SPIDR: variants seen among roughly 807,000 people sequenced by gnomAD.
SPIDR encodes the protein DNA repair-scaffolding protein.
Under a neutral mutation model 104.6 loss-of-function variants are expected in SPIDR, and 93 were observed. That is an observed-to-expected ratio of 0.89 (90% CI 0.75 to 1.06). The LOEUF is 1.06. Among genes scored for constraint, SPIDR ranks in the 50% least tolerant of loss-of-function variants. SPIDR has a pLI of 0.00. For synonymous variants in SPIDR, 431 were observed against 416.9 expected (o/e 1.03, Z -0.41); for missense variants, 1,154 against 1,111.2 (o/e 1.04, Z -0.55).
intron 8 of SPIDR, among the ~76,000 whole-genome samples, chr8:47,466,136 A>G (rs575047222): frequency 6.6e-6 from 1 of 152,294 alleles, no homozygotes; most frequent in Non-Finnish European, 1.5e-5. Context: ...ATTAACAAAG[A>G]TGTTCAGGAC....
At chr8:47,403,438 T>G (rs1483607237) in intron 6 of SPIDR, among the ~76,000 whole-genome samples, 2 of 152,202 alleles carry the variant, frequency 1.3e-5, no homozygotes, top group Non-Finnish European at 2.9e-5. Context: ...GATGACAGGA[T>G]TGTACATTTA....
intron 11 of SPIDR, among the ~76,000 whole-genome samples, chr8:47,685,306 C>T (rs747793385): frequency 6.6e-6 from 1 of 151,982 alleles, no homozygotes; most frequent in Non-Finnish European, 1.5e-5. Flanking sequence ...AGTAATTTAA[C>T]TAGTTAATTT....
chr8:47,685,024 G>A (rs1452590524), intron 11 of SPIDR, among the ~76,000 whole-genome samples: 1 of 152,188 alleles, frequency 6.6e-6, no homozygotes, highest in African/African-American at 2.4e-5. Flanking sequence ...TTCGAGACCA[G>A]CCTGGCCAAC....
In SPIDR at chr8:47,735,492, G is replaced by GGGTGGT. The variant is rs749539591; in HGVS notation, c.*56_*61dup. 1.2e-5 allele frequency: 19 copies of GGGTGGT among 1,613,610 alleles called. No individual in the cohort carries two copies. The highest frequency in any genetic ancestry group is 6.7e-5 in the East Asian group (3 of 44,792). On this transcript the variant is annotated 3_prime_UTR_variant, in exon 20 of 20. Coordinates refer to ENST00000297423, the MANE Select transcript of SPIDR (RefSeq NM_001080394.4). ...TGTGAACTTTGCAATGTGGCTGCAA[G>GGGTGGT]GGTGGTGGTGGTGGTGGTGATTTGG...
rs200845262 is a variant in SPIDR at position 47,588,209 on chromosome 8, AAT to A, written c.1098-7599_1098-7598del. On this transcript the variant is annotated intron_variant, in intron 8 of 19. Transcript: ENST00000297423. ...ATGATTTTGAGTTTTTCAATCCATA[AAT>A]ATGTCTTCCATTTGTTAAGATCTTT... 6.7e-5 allele frequency among the ~76,000 whole-genome samples: 10 copies of A among 149,728 alleles called. No individual in the cohort carries two copies. In the East Asian group the frequency reaches 1.4e-3, roughly 21 times the overall value.
intron 8 of SPIDR, among the ~76,000 whole-genome samples, chr8:47,589,826 G>T (rs964789474): frequency 6.6e-6 from 1 of 151,792 alleles, no homozygotes; most frequent in African/African-American, 2.4e-5. Context: ...CTATTGCATT[G>T]TTTTTTTCTC....
intron 5 of SPIDR, among the ~76,000 whole-genome samples, chr8:47,311,702 T>C (rs1272158633): frequency 3.3e-5 from 5 of 151,864 alleles, no homozygotes; most frequent in Admixed American, 3.3e-4. Flanking sequence ...TAATGAATGG[T>C]AGCTGACTTC....
At chr8:47,434,843 C>T (rs905782661) in intron 7 of SPIDR, among the ~76,000 whole-genome samples, 12 of 152,164 alleles carry the variant, frequency 7.9e-5, no homozygotes, top group Admixed American at 2.0e-4. Context: ...CTTGAGTTGA[C>T]GTGAGTATAA....
At chr8:47,614,595 T>C (rs1045198827) in intron 10 of SPIDR, among the ~76,000 whole-genome samples, 3 of 152,238 alleles carry the variant, frequency 2.0e-5, no homozygotes, top group Non-Finnish European at 2.9e-5. Flanking sequence ...CAGTCTATCA[T>C]TGGTGGGCAT....
At chr8:47,553,665 T>C (rs1050260952) in intron 8 of SPIDR, among the ~76,000 whole-genome samples, 1 of 152,196 alleles carries the variant, frequency 6.6e-6, no homozygotes, top group African/African-American at 2.4e-5. Context: ...TTCAAGTTTT[T>C]TAGCTTCTTT....
At chr8:47,577,709 A>G (rs1180612815) in intron 8 of SPIDR, among the ~76,000 whole-genome samples, 4 of 152,172 alleles carry the variant, frequency 2.6e-5, no homozygotes, top group Non-Finnish European at 5.9e-5. Flanking sequence ...GGTAGAGGTA[A>G]ATGGTCTTGT....
chr8:47,460,516 T>G (rs1222860187), intron 8 of SPIDR, among the ~76,000 whole-genome samples: 1 of 152,192 alleles, frequency 6.6e-6, no homozygotes, highest in African/African-American at 2.4e-5. Context: ...GCGTGGGCTG[T>G]CTTTTTACAC....
At position 47,675,315 on chromosome 8, in the gene SPIDR, C is replaced by T. The variant is rs541441962; in HGVS notation, c.1685+1374C>T. ...CCTCCCAAAGTGCTGGGATTACAGG[C>T]GTGAGCTACCACGCCCGGCCAGCTA... On this transcript the variant is annotated intron_variant, in intron 11 of 19. Coordinates refer to ENST00000297423, the MANE Select transcript of SPIDR (RefSeq NM_001080394.4). Among the ~76,000 whole-genome samples, 3 of 152,320 alleles carry T rather than the reference C, an allele frequency of 2.0e-5. 1 individual carries two copies. The highest frequency in any genetic ancestry group is 2.1e-4 in the South Asian group (1 of 4,824).
At chr8:47,568,790 T>C (rs1436955215) in intron 8 of SPIDR, among the ~76,000 whole-genome samples, 2 of 152,184 alleles carry the variant, frequency 1.3e-5, no homozygotes, top group African/African-American at 4.8e-5. Context: ...CTCAATGTAC[T>C]CCAAGCAAGA....
chr8:47,397,149 T>A (rs1179074722), intron 6 of SPIDR, among the ~76,000 whole-genome samples: 1 of 151,996 alleles, frequency 6.6e-6, no homozygotes, highest in East Asian at 1.9e-4. Flanking sequence ...CCCCGTGTAA[T>A]ACAAGGTGCT....
chr8:47,493,092 C>T (rs889077003), intron 8 of SPIDR, among the ~76,000 whole-genome samples: 3 of 148,002 alleles, frequency 2.0e-5, no homozygotes, highest in Non-Finnish European at 4.5e-5. Context: ...AATAGAACTT[C>T]GCAGATAGCA....
chr8:47,408,886 T>C (rs946036698), intron 7 of SPIDR, among the ~76,000 whole-genome samples: 1 of 152,076 alleles, frequency 6.6e-6, no homozygotes, highest in Non-Finnish European at 1.5e-5. Flanking sequence ...TACAATAACA[T>C]CAAAAAGAAT....
intron 2 of SPIDR, among the ~76,000 whole-genome samples, chr8:47,282,937 C>T (rs1198104596): frequency 6.6e-6 from 1 of 151,842 alleles, no homozygotes; most frequent in Admixed American, 6.6e-5. Context: ...CTCACTGCAA[C>T]CTCCACCTCC....
intron 8 of SPIDR, among the ~76,000 whole-genome samples, chr8:47,589,323 A>G (rs532812936): frequency 2.3e-4 from 35 of 152,126 alleles, no homozygotes; most frequent in African/African-American, 7.7e-4. Flanking sequence ...GTTTGAGACC[A>G]GCCTGGCTAG....
Sources: allele counts gnomAD v4.1 joint callset (sites outside exome capture counted in the v4.1 genomes callset), GRCh38; gene constraint gnomAD v4.1.1; transcripts MANE v1.5; gene names NCBI Gene and HGNC (gene_info 2026-07-23, HGNC 2026-07-21).